The following WSB1 variants were observed in gnomAD, a reference collection of about 807,000 sequenced individuals.
The protein encoded by WSB1 is WD repeat and SOCS box-containing protein 1.
Under a neutral mutation model 50.2 loss-of-function variants are expected in WSB1, and 23 were observed. That is an observed-to-expected ratio of 0.46 (90% confidence interval 0.33 to 0.65). The LOEUF (loss-of-function observed/expected upper bound fraction) is 0.65, where lower values mean the gene tolerates loss of function less well. Among genes scored for constraint, WSB1 ranks in the 30% least tolerant of loss-of-function variants. The probability of loss-of-function intolerance (pLI) is 0.02; values close to 1 mark genes in which losing one functional copy is unlikely to be tolerated. For synonymous variants in WSB1, 179 were observed against 172.0 expected, an observed-to-expected ratio of 1.04 and a Z score of -0.32; for missense variants, 492 against 522.3, an observed-to-expected ratio of 0.94 and a Z score of 0.56.
chr17:27,307,075 ATTG>A, intron 5 of WSB1, 193 bp downstream of exon 5: 1 of 590,194 alleles, frequency 1.7e-6, no homozygotes, highest in Non-Finnish European at 2.9e-6. Context: ...GAGAAGTTGG[ATTG>A]TTTTTAGAGA....
rs2017814791 is a variant in WSB1 at position 27,315,605 on chromosome 17, T to TAGCATGAGAAGTTTCACG, written c.*3240_*3257dup. 1 of 152,058 alleles carries TAGCATGAGAAGTTTCACG rather than the reference T, an allele frequency of 6.6e-6. No homozygotes were observed. The highest frequency in any genetic ancestry group is 1.5e-5 in the Non-Finnish European group (1 of 68,018). 9.4% of individuals were successfully genotyped at this position (152,058 alleles called of 1,614,324 possible). ...GCCAGCCAGCACAGGCGTAAGAAAA[T>TAGCATGAGAAGTTTCACG]AGCATGAGAAGTTTCACGAGCCTGA... On this transcript the variant is annotated 3_prime_UTR_variant, in exon 9 of 9. Transcript: ENST00000262394.
chr17:27,300,394 G>A (rs1044767669), intron 1 of WSB1, among the ~76,000 whole-genome samples: 1 of 152,088 alleles, frequency 6.6e-6, no homozygotes, highest in Non-Finnish European at 1.5e-5. Flanking sequence ...TGATAAAGAG[G>A]CTCCTTTCCC....
intron 1 of WSB1, among the ~76,000 whole-genome samples, chr17:27,300,638 A>G (rs1597754722): frequency 6.6e-6 from 1 of 151,964 alleles, no homozygotes; most frequent in East Asian, 1.9e-4. Context: ...GCCTATTAGG[A>G]AGACTCTTAA....
intron 2 of WSB1, chr17:27,302,825 T>G (rs1214968039): frequency 6.6e-6 from 1 of 152,306 alleles, no homozygotes; most frequent in Non-Finnish European, 1.5e-5. Flanking sequence ...TTCTAAAATG[T>G]ATCATGTGCT....
rs2017788741 is a variant in WSB1, at chr17:27,314,254, A to G, written c.*1885A>G. ...TGTGACTTTTTTTCCCCTGCATTTT[A>G]CTTTGTAATATATCGGCTTTATAAT... On this transcript the variant is annotated 3_prime_UTR_variant, in exon 9 of 9. Coordinates refer to ENST00000262394, the MANE Select transcript of WSB1 (RefSeq NM_015626.10). 2.0e-5 allele frequency: 3 copies of G among 152,280 alleles called. No individual in the cohort carries two copies. The highest frequency in any genetic ancestry group is 2.1e-4 in the South Asian group (1 of 4,824). 9.4% of individuals were successfully genotyped at this position (152,280 alleles called of 1,614,324 possible).
rs1417273228 is a variant in WSB1, at chr17:27,313,469, G to T, written c.*1100G>T. ...AAAAAAAAAAAACTCTGTTTCTGCA[G>T]GGGATGATATTGGTGAGTTGCCAAA... On this transcript the variant is annotated 3_prime_UTR_variant, in exon 9 of 9. Transcript: ENST00000262394. 2 of 152,212 alleles carry T rather than the reference G, an allele frequency of 1.3e-5. No homozygotes were observed. The highest frequency in any genetic ancestry group is 4.8e-5 in the African/African-American group (2 of 41,358). 9.4% of individuals were successfully genotyped at this position (152,212 alleles called of 1,614,324 possible). A position where few individuals can be genotyped will look rare whatever the true frequency, so the allele number is the denominator to read the frequency against.
intron 5 of WSB1, chr17:27,307,664 TAAGAAGA>T (rs1240744654): frequency 7.0e-7 from 1 of 1,430,366 alleles, no homozygotes; most frequent in Non-Finnish European, 9.4e-7. Flanking sequence ...TTACAAATCA[TAAGAAGA>T]ACAAAATTAG....
intron 4 of WSB1, among the ~76,000 whole-genome samples, chr17:27,305,476 C>T (rs1047671686): frequency 6.6e-6 from 1 of 152,246 alleles, no homozygotes; most frequent in African/African-American, 2.4e-5. Flanking sequence ...TAAAGCCTTA[C>T]AAAGTTTTGG....
chr17:27,294,344 TCTC>T lies in WSB1; in HGVS notation c.-51_-49del. 2 of 1,605,252 alleles carry T rather than the reference TCTC, an allele frequency of 1.2e-6. No homozygotes were observed. Among genetic ancestry groups the T allele is most frequent in the Non-Finnish European group, 1.7e-6 (2 of 1,174,106 alleles). On this transcript the variant is annotated 5_prime_UTR_variant, in exon 1 of 9. Transcript: ENST00000262394. ...CGCCCCTCAGCGGTCGCCACTCTCT[TCTC>T]TGTTGTTGGGTCCGCATCGTATTCC...
intron 1 of WSB1, among the ~76,000 whole-genome samples, chr17:27,297,736 G>T (rs1377106184): frequency 1.3e-5 from 2 of 152,164 alleles, no homozygotes; most frequent in African/African-American, 4.8e-5. Context: ...GATTACCAGT[G>T]TGCCTGTCCT....
rs762628477 is a variant in WSB1 at position 27,303,674 on chromosome 17, A to G, written c.478+39A>G. The stretch of plus-strand genomic sequence containing the variant: ...GTTTTTAAAGCAAATGTATTATTTT[A>G]TGATGCAGGGCACTGCTTATAGGCA... On this transcript the variant is annotated intron_variant, in intron 3 of 8. Transcript: ENST00000262394. The G allele has an allele frequency of 4.4e-6, 7 of 1,601,330 alleles. No individual in the cohort carries two copies. The Admixed American group carries it at 5.1e-5, about 12-fold the overall frequency.
intron 5 of WSB1, 38 bp from the exon 6 acceptor site, chr17:27,309,062 G>T: frequency 6.4e-7 from 1 of 1,557,028 alleles, no homozygotes; most frequent in South Asian, 1.2e-5. Flanking sequence ...TCCTCTGTAT[G>T]TCTGAATGAA....
At chr17:27,308,674 A>G in intron 5 of WSB1, 1 of 986,690 alleles carries the variant, frequency 1.0e-6, no homozygotes, top group Non-Finnish European at 1.2e-6. Context: ...TGGAGTAACA[A>G]TTTGTTAACC....
chr17:27,312,319 G>A lies in WSB1; in HGVS notation c.1216G>A (p.Glu406Lys). ...AGTGATGCCCACCCAAGAAGTTCAG[G>A]AGCTGCCGATTCCTTCCAAGCTTTT... ...RRVMPTQEVQ[E>K]LPIPSKLLEF... Residue 406 changes from glutamate to lysine, a missense_variant, in exon 9 of 9, where the codon GAG becomes AAG. By Grantham distance (56) the Glu-to-Lys change is moderately conservative. Coordinates refer to ENST00000262394, the MANE Select transcript of WSB1 (RefSeq NM_015626.10). 6.2e-7 allele frequency: 1 copy of A among 1,614,132 alleles called. No individual in the cohort carries two copies. The highest frequency in any genetic ancestry group is 8.5e-7 in the Non-Finnish European group (1 of 1,180,020).
At chr17:27,309,341 A>T in intron 6 of WSB1, 69 bp downstream of exon 6, 1 of 1,258,276 alleles carries the variant, frequency 7.9e-7, no homozygotes, top group Non-Finnish European at 1.1e-6. Context: ...AATAATTACA[A>T]TCACCAATAT....
Position 27,294,171 on chromosome 17 carries a change from C to T in WSB1, c.-225C>T, listed in dbSNP as rs193166646. 30 of 392,654 alleles carry T rather than the reference C, an allele frequency of 7.6e-5. No individual in the cohort carries two copies. Among genetic ancestry groups the T allele is most frequent in the African/African-American group, 5.8e-4 (28 of 48,318 alleles). 24.3% of individuals were successfully genotyped at this position (392,654 alleles called of 1,614,324 possible). ...ACTGTCTTCCTCCGCAGGCGCGAGG[C>T]TGGGTACAGGGTCTATTGTCTGTGG... On this transcript the variant is annotated 5_prime_UTR_variant, in exon 1 of 9. Transcript: ENST00000262394.
rs2017794429 is a variant in WSB1, at chr17:27,314,569, C to G, written c.*2200C>G. 6.6e-6 allele frequency: 1 copy of G among 152,138 alleles called. No individual in the cohort carries two copies. Among genetic ancestry groups the G allele is most frequent in the South Asian group, 2.1e-4 (1 of 4,828 alleles). The allele number at this position is 152,138 out of a possible 1,614,324, so 9.4% of individuals were successfully genotyped here. On this transcript the variant is annotated 3_prime_UTR_variant, in exon 9 of 9. Transcript: ENST00000262394. The stretch of plus-strand genomic sequence containing the variant: ...CCAGCCTGGGTGACAGAGTAAGACT[C>G]TAAATAAATAAGATACCATTACTTT...
chr17:27,307,742 A>G (rs2017517858), intron 5 of WSB1: 1 of 1,534,480 alleles, frequency 6.5e-7, no homozygotes, highest in Non-Finnish European at 8.7e-7. Flanking sequence ...TCCCTGTCAC[A>G]GGTGGTGGCA....
At chr17:27,299,570 T>G (rs186045173) in intron 1 of WSB1, among the ~76,000 whole-genome samples, 3 of 152,174 alleles carry the variant, frequency 2.0e-5, no homozygotes, top group Non-Finnish European at 4.4e-5. Flanking sequence ...TGTGCTAATA[T>G]GGGGTGGGTG....
Sources: gnomAD v4.1 joint callset for allele counts (sites outside exome capture counted in the v4.1 genomes callset) on GRCh38, gnomAD v4.1.1 for gene constraint, MANE v1.5 for transcripts, NCBI Gene and HGNC (gene_info 2026-07-23, HGNC 2026-07-21) for gene names.